The following L3MBTL4 variants were observed in gnomAD, a reference collection of about 807,000 sequenced individuals.
L3MBTL4 encodes L3MBTL histone methyl-lysine binding protein 4.
L3MBTL4 carries 70 observed loss-of-function variants against 84.5 expected under a neutral mutation model. The observed-to-expected ratio is 0.83, with a 90% CI of 0.68 to 1.01. L3MBTL4 has a LOEUF of 1.01. Among genes scored for constraint, L3MBTL4 ranks in the 50% least tolerant of loss-of-function variants. The pLI is 0.00. For synonymous variants in L3MBTL4, 274 were observed against 259.8 expected, an observed-to-expected ratio of 1.05 and a Z score of -0.52; for missense variants, 715 against 754.8, an observed-to-expected ratio of 0.95 and a Z score of 0.62.
At chr18:6,113,257 A>G (rs1337609741) in intron 14 of L3MBTL4, among the ~76,000 whole-genome samples, 2 of 152,142 alleles carry the variant, frequency 1.3e-5, no homozygotes, top group East Asian at 1.9e-4. Context: ...GTAGGCAACT[A>G]ACTCATATCT....
intron 15 of L3MBTL4, among the ~76,000 whole-genome samples, chr18:6,083,476 A>T (rs1039235216): frequency 6.6e-6 from 1 of 152,206 alleles, no homozygotes; most frequent in Non-Finnish European, 1.5e-5. Flanking sequence ...TCTTGTGGGC[A>T]GTGGGAAAAG....
At chr18:6,390,181 TAC>T (rs1417867709) in intron 1 of L3MBTL4, among the ~76,000 whole-genome samples, 3 of 151,818 alleles carry the variant, frequency 2.0e-5, no homozygotes, top group Admixed American at 6.6e-5. Context: ...TATATACATA[TAC>T]ACACACACAC....
chr18:6,234,640 TG>T (rs2047140077), intron 10 of L3MBTL4, among the ~76,000 whole-genome samples: 1 of 152,148 alleles, frequency 6.6e-6, no homozygotes, highest in Admixed American at 6.5e-5. Flanking sequence ...CCAGTTAGAA[TG>T]GCGATCATTA....
At chr18:6,139,135 C>T (rs889004687) in intron 13 of L3MBTL4, among the ~76,000 whole-genome samples, 3 of 152,064 alleles carry the variant, frequency 2.0e-5, no homozygotes, top group Non-Finnish European at 4.4e-5. Flanking sequence ...TCTACTGTAC[C>T]ATATGCTATG....
At chr18:6,402,127 C>T (rs9965853) in intron 1 of L3MBTL4, among the ~76,000 whole-genome samples, 67,085 of 152,068 alleles carry the variant, frequency 0.44, 14,938 homozygotes, top group East Asian at 0.57. Flanking sequence ...CAGGACTTTC[C>T]TTAAAACAAA....
intron 16 of L3MBTL4, among the ~76,000 whole-genome samples, chr18:6,049,193 T>C (rs555545581): frequency 1.3e-5 from 2 of 152,280 alleles, no homozygotes; most frequent in East Asian, 1.9e-4. Flanking sequence ...ATTTTCTGAA[T>C]ATTGGCCTTG....
At chr18:6,016,279 C>T (rs566483235) in intron 16 of L3MBTL4, among the ~76,000 whole-genome samples, 14 of 152,262 alleles carry the variant, frequency 9.2e-5, no homozygotes, top group African/African-American at 3.4e-4. Flanking sequence ...CTTTGAGAGA[C>T]GGCTGGAATT....
chr18:6,026,402 T>C (rs1452630793), intron 16 of L3MBTL4, among the ~76,000 whole-genome samples: 1 of 152,230 alleles, frequency 6.6e-6, no homozygotes, highest in African/African-American at 2.4e-5. Context: ...TTATTCAACA[T>C]TTCCAATTTG....
intron 1 of L3MBTL4, among the ~76,000 whole-genome samples, chr18:6,332,640 G>T (rs2143201916): frequency 6.6e-6 from 1 of 152,308 alleles, no homozygotes; most frequent in Admixed American, 6.5e-5. Flanking sequence ...GCCTAGATCT[G>T]CAGGGGCCGC....
intron 2 of L3MBTL4, 68 bp downstream of exon 2, chr18:6,311,930 C>T (rs911435217): frequency 3.5e-5 from 10 of 282,266 alleles, no homozygotes; most frequent in African/African-American, 2.2e-4. Flanking sequence ...AAAATGTTTG[C>T]TTTTTTGCTT....
chr18:5,983,921 AT>A (rs989667480), intron 16 of L3MBTL4, among the ~76,000 whole-genome samples: 10 of 151,782 alleles, frequency 6.6e-5, no homozygotes, highest in Admixed American at 5.3e-4. Flanking sequence ...TCTGAATTTT[AT>A]TTTTTTTGAG....
chr18:5,984,747 C>T (rs1042647795), intron 16 of L3MBTL4, among the ~76,000 whole-genome samples: 15 of 152,144 alleles, frequency 9.9e-5, no homozygotes, highest in African/African-American at 3.6e-4. Flanking sequence ...GAGTAATTTT[C>T]ATCCAGAGTG....
intron 16 of L3MBTL4, chr18:6,024,961 G>A (rs1002939596): frequency 6.6e-5 from 10 of 152,094 alleles, no homozygotes; most frequent in African/African-American, 1.9e-4. Flanking sequence ...TCACAGAGGG[G>A]GTTTAAAAAT....
intron 14 of L3MBTL4, among the ~76,000 whole-genome samples, chr18:6,096,679 G>C (rs983201574): frequency 6.6e-6 from 1 of 152,194 alleles, no homozygotes; most frequent in Non-Finnish European, 1.5e-5. Context: ...AAAGAAGACT[G>C]AAGTGGACAG....
intron 1 of L3MBTL4, among the ~76,000 whole-genome samples, chr18:6,345,215 C>CAAAAAAAAAAAA (rs35502624): frequency 0.017 from 606 of 35,572 alleles, no homozygotes; most frequent in Non-Finnish European, 0.021. Flanking sequence ...TACTAAAATA[C>CAAAAAAAAAAAA]AAAAAAAAAA....
intron 13 of L3MBTL4, among the ~76,000 whole-genome samples, chr18:6,164,789 G>A (rs937417571): frequency 2.6e-5 from 4 of 152,192 alleles, no homozygotes; most frequent in Admixed American, 6.5e-5. Context: ...CTCCTCCAAA[G>A]GAACGCAGCT....
At chr18:6,224,029 G>A (rs999059022) in intron 10 of L3MBTL4, among the ~76,000 whole-genome samples, 1 of 151,632 alleles carries the variant, frequency 6.6e-6, no homozygotes, top group Non-Finnish European at 1.5e-5. Context: ...AATTAACCTG[G>A]GTGGAAGGAG....
chr18:6,186,040 T>G (rs1003113930), intron 12 of L3MBTL4, among the ~76,000 whole-genome samples: 1 of 151,582 alleles, frequency 6.6e-6, no homozygotes, highest in African/African-American at 2.4e-5. Context: ...GAAATGGAGT[T>G]CAGCTCTTGT....
chr18:5,998,280 T>A (rs2054066240), intron 16 of L3MBTL4, among the ~76,000 whole-genome samples: 1 of 152,130 alleles, frequency 6.6e-6, no homozygotes, highest in Admixed American at 6.5e-5. Flanking sequence ...AACAAACTGC[T>A]GCCATAGCGG....
Sources: allele counts gnomAD v4.1 joint callset (sites outside exome capture counted in the v4.1 genomes callset), GRCh38; gene constraint gnomAD v4.1.1; transcripts MANE v1.5; gene names NCBI Gene and HGNC (gene_info 2026-07-23, HGNC 2026-07-21).